MARCHF6: variants seen among roughly 807,000 people sequenced by gnomAD.
MARCHF6 encodes the protein membrane associated ring-CH-type finger 6.
Under a neutral mutation model 133.7 loss-of-function variants are expected in MARCHF6, and 31 were observed. The ratio of observed to expected loss-of-function variants is 0.23; its 90% confidence interval spans 0.17 to 0.31. The LOEUF is 0.31. Ranked by LOEUF, MARCHF6 falls within the 10% of genes least tolerant of loss-of-function variation. The pLI is 1.00. For synonymous variants in MARCHF6, 395 were observed against 402.5 expected (o/e 0.98, Z 0.22); for missense variants, 723 against 1,121.6 (o/e 0.64, Z 5.08).
At chr5:10,381,773 C>A in intron 3 of MARCHF6, 27 bp from the exon 4 acceptor site, 1 of 1,545,612 alleles carries the variant, frequency 6.5e-7, no homozygotes, top group East Asian at 2.4e-5. Flanking sequence ...CTTCATGAAA[C>A]TGTAAGTACT....
chr5:10,407,315 C>A, intron 17 of MARCHF6, 113 bp downstream of exon 17: 1 of 457,272 alleles, frequency 2.2e-6, no homozygotes, highest in Non-Finnish European at 3.7e-6. Flanking sequence ...AATCATCTGA[C>A]AATTAAATTT....
chr5:10,400,909 G>C, intron 11 of MARCHF6, 67 bp downstream of exon 11: 1 of 1,219,258 alleles, frequency 8.2e-7, no homozygotes, highest in Non-Finnish European at 1.2e-6. Flanking sequence ...TAATAAAATA[G>C]TATTCTAAAG....
chr5:10,400,592 A>G (rs1738467491), intron 10 of MARCHF6, among the ~76,000 whole-genome samples, 192 bp from the exon 11 acceptor site: 1 of 152,068 alleles, frequency 6.6e-6, no homozygotes, highest in Non-Finnish European at 1.5e-5. Flanking sequence ...TTGATTTGGC[A>G]TGGCCCTATT....
chr5:10,383,880 T>G (rs1296741902), intron 4 of MARCHF6, among the ~76,000 whole-genome samples: 1 of 152,198 alleles, frequency 6.6e-6, no homozygotes, highest in Non-Finnish European at 1.5e-5. Flanking sequence ...TTAAAGCTTT[T>G]AAAATTGCTT....
intron 4 of MARCHF6, among the ~76,000 whole-genome samples, chr5:10,384,791 A>T (rs751118748): frequency 6.6e-6 from 1 of 152,248 alleles, no homozygotes; most frequent in Non-Finnish European, 1.5e-5. Context: ...AACTGGCAGT[A>T]TCTACTGATG....
At chr5:10,431,966 T>C (rs1740394073) in intron 25 of MARCHF6, among the ~76,000 whole-genome samples, 1 of 152,102 alleles carries the variant, frequency 6.6e-6, no homozygotes, top group African/African-American at 2.4e-5. Context: ...AGTGGTTGGT[T>C]GGGGAACAGT....
chr5:10,428,373 GCT>G (rs1740202515), intron 24 of MARCHF6, among the ~76,000 whole-genome samples: 1 of 110,366 alleles, frequency 9.1e-6, no homozygotes, highest in African/African-American at 3.6e-5. Context: ...ACGGAGTCTC[GCT>G]CTTTTGCCCA....
Position 10,407,145 on chromosome 5 carries a change from T to C in MARCHF6, c.1496T>C (p.Ile499Thr). The stretch of plus-strand genomic sequence containing the variant: ...GTCCTCCTGATGCTTTGGCTTCCTA[T>C]ACGTATAATTAAGAGTGTGCTGCCT... ...SIVLLMLWLPIRIIKSVLPNF... is the reference protein window; with the variant it reads ...SIVLLMLWLPTRIIKSVLPNF... The change falls in exon 17 of 26, where the codon ATA becomes ACA. Residue 499 changes from isoleucine (I) to threonine (T), a missense_variant. Transcript: ENST00000274140. 6.2e-7 allele frequency: 1 copy of C among 1,613,532 alleles called. No homozygotes were observed. The highest frequency in any genetic ancestry group is 8.5e-7 in the Non-Finnish European group (1 of 1,179,674).
At chr5:10,402,855 CATTTTGCTGTCGTA>C (rs1738627314) in intron 14 of MARCHF6, among the ~76,000 whole-genome samples, 1 of 152,026 alleles carries the variant, frequency 6.6e-6, no homozygotes, top group Non-Finnish European at 1.5e-5. Flanking sequence ...TTTTATTGCC[CATTTTGCTGTCGTA>C]AATTTGTGTA....
At chr5:10,387,306 C>CT (rs1241488268) in intron 5 of MARCHF6, among the ~76,000 whole-genome samples, 318 of 139,766 alleles carry the variant, frequency 2.3e-3, no homozygotes, top group Middle Eastern at 7.9e-3. Context: ...TTCTTTCTTT[C>CT]TTTTTTTTTT....
chr5:10,385,120 T>G (rs761546540), intron 4 of MARCHF6, among the ~76,000 whole-genome samples: 1 of 152,234 alleles, frequency 6.6e-6, no homozygotes, highest in Non-Finnish European at 1.5e-5. Flanking sequence ...GTGTGAAATT[T>G]TAAAACAGGT....
rs755843694 is a variant in MARCHF6 at position 10,402,547 on chromosome 5, G to A, written c.1137G>A (p.Val379=). Residue 379 remains valine (V), a synonymous_variant, in exon 14 of 26, where the codon GTG becomes GTA. Coordinates refer to ENST00000274140, the MANE Select transcript of MARCHF6 (RefSeq NM_005885.4). The part of the protein sequence containing the change: ...CYIVVKVSLL[V]VVEIGVFPLI... ...TTTCACTTAAGGTCTCTTTGTTAGT[G>A]GTGGTAGAAATTGGAGTATTCCCTC... 1 of 1,613,762 alleles carries A rather than the reference G, an allele frequency of 6.2e-7. No individual in the cohort carries two copies. The highest frequency in any genetic ancestry group is 1.3e-5 in the African/African-American group (1 of 74,896).
chr5:10,402,319 G>A, intron 12 of MARCHF6, 65 bp from the exon 13 acceptor site: 5 of 1,391,482 alleles, frequency 3.6e-6, no homozygotes, highest in Non-Finnish European at 5.1e-6. Context: ...CTAAATGTTG[G>A]CTAAGTAGTT....
At chr5:10,375,609 C>T (rs911896544) in intron 1 of MARCHF6, among the ~76,000 whole-genome samples, 2 of 152,270 alleles carry the variant, frequency 1.3e-5, no homozygotes, top group African/African-American at 4.8e-5. Flanking sequence ...TAGGTGAAGC[C>T]AGCTGGGCTC....
chr5:10,354,132 C>T (rs1735288364), intron 1 of MARCHF6: 1 of 349,684 alleles, frequency 2.9e-6, no homozygotes. Context: ...GGGGCGGGGA[C>T]CCTGCCGGGC....
At chr5:10,413,703 A>G (rs745586894) in intron 19 of MARCHF6, among the ~76,000 whole-genome samples, 43 of 152,234 alleles carry the variant, frequency 2.8e-4, no homozygotes, top group Non-Finnish European at 5.7e-4. Flanking sequence ...GGCAGCAGGC[A>G]AGGGAGCTTG....
Position 10,433,684 on chromosome 5 carries a change from A to G in MARCHF6, c.2733A>G (p.Ter911=). 3 of 1,613,724 alleles carry G rather than the reference A, an allele frequency of 1.9e-6. No individual in the cohort carries two copies. The highest frequency in any genetic ancestry group is 2.5e-6 in the Non-Finnish European group (3 of 1,179,646). ...CACCTCCACAGTCATCCCAAGAATA[A>G]AGTAGTTGTCTCAACAACTTGACCT... ...SPPPPQSSQE[*] is the part of the protein sequence containing the mutation. Residue 911 remains the stop codon, a stop_retained_variant, in exon 26 of 26, where the codon TAA becomes TAG. Coordinates refer to ENST00000274140, the MANE Select transcript of MARCHF6 (RefSeq NM_005885.4).
At chr5:10,404,387 A>G (rs183748608) in intron 15 of MARCHF6, among the ~76,000 whole-genome samples, 48 of 152,146 alleles carry the variant, frequency 3.2e-4, no homozygotes, top group Admixed American at 1.2e-3. Flanking sequence ...TATTAGTTCT[A>G]TGTTTCTAAT....
At chr5:10,390,594 C>A in intron 6 of MARCHF6, 94 bp downstream of exon 6, 1 of 1,175,330 alleles carries the variant, frequency 8.5e-7, no homozygotes, top group Non-Finnish European at 1.2e-6. Context: ...CCATGTCCCT[C>A]ATAAACATTC....
Sources: gnomAD v4.1 joint callset for allele counts (sites outside exome capture counted in the v4.1 genomes callset) on GRCh38, gnomAD v4.1.1 for gene constraint, MANE v1.5 for transcripts, NCBI Gene and HGNC (gene_info 2026-07-23, HGNC 2026-07-21) for gene names.